Variants in DPF3 observed in about 807,000 individuals in gnomAD.
DPF3 encodes zinc finger protein DPF3.
In DPF3, 18 loss-of-function variants were observed where a neutral mutation model predicts 56.8. That is an observed-to-expected ratio of 0.32 (90% CI 0.22 to 0.47). The LOEUF (loss-of-function observed/expected upper bound fraction) is 0.47, where lower values mean the gene tolerates loss of function less well. Ranked by LOEUF, DPF3 falls within the 20% of genes least tolerant of loss-of-function variation. The pLI is 1.00. For missense variants in DPF3, 403 were observed against 488.8 expected (o/e 0.82, Z 1.65); for synonymous variants, 188 against 180.2 (o/e 1.04, Z -0.35).
At position 72,866,231 on chromosome 14, in the gene DPF3, TGAG is replaced by T. The variant is rs532979109; in HGVS notation, c.32+27823_32+27825del. On this transcript the variant is annotated intron_variant, in intron 1 of 10. Coordinates refer to ENST00000556509, the MANE Select transcript of DPF3 (RefSeq NM_001280542.3). ...TCCCACCACCACCTCTTCCACAGACTGAGGTCACCTCAGTCTGTTCCTGCCACA... is the reference window on the plus strand; with the variant it reads ...TCCCACCACCACCTCTTCCACAGACTGTCACCTCAGTCTGTTCCTGCCACA... Among the ~76,000 whole-genome samples the T allele has an allele frequency of 3.7e-3, 554 of 151,436 alleles. 8 individuals carry two copies. The highest frequency in any genetic ancestry group is 2.3e-3 in the Non-Finnish European group (153 of 67,500).
In DPF3 at chr14:72,731,870, G is replaced by A. The variant is rs1450860049; in HGVS notation, c.366C>T (p.Leu122=). Residue 122 remains leucine (L), a synonymous_variant, in exon 4 of 11, where the codon CTC becomes CTT. Transcript: ENST00000556509. ...TSESTTLEAL[L]RGEGVEKKVD... ...CCTTCTTCTCAACCCCCTCGCCACG[G>A]AGCAAGGCTTCCAGCGTGGTGCTCT... 3 of 1,611,524 alleles carry A rather than the reference G, an allele frequency of 1.9e-6. No homozygotes were observed. Among genetic ancestry groups the A allele is most frequent in the South Asian group, 1.1e-5 (1 of 90,164 alleles).
In DPF3 at chr14:72,856,317, C is replaced by A. The variant is rs142827418; in HGVS notation, c.32+37740G>T. Among the ~76,000 whole-genome samples, 116 of 152,324 alleles carry A rather than the reference C, an allele frequency of 7.6e-4. 1 individual carries two copies. Among genetic ancestry groups the A allele is most frequent in the South Asian group, 6.0e-3 (29 of 4,830 alleles). ...CCTCTAAAACAGGAGAACATCTTTC[C>A]TTCCTTTCTGATCATCCATCTTGCA... On this transcript the variant is annotated intron_variant, in intron 1 of 10. Transcript: ENST00000556509.
At chr14:72,707,989 A>G (rs745312268) in intron 6 of DPF3, among the ~76,000 whole-genome samples, 7 of 152,162 alleles carry the variant, frequency 4.6e-5, no homozygotes, top group Non-Finnish European at 1.0e-4. Context: ...GCACCTCTAC[A>G]ATGGTTAATA....
At chr14:72,670,314 A>G (rs1886612509) in intron 8 of DPF3, 1 of 986,196 alleles carries the variant, frequency 1.0e-6, no homozygotes, top group South Asian at 4.7e-5. Flanking sequence ...CTTTGCCAGG[A>G]GGAAAGTGAG....
intron 8 of DPF3, among the ~76,000 whole-genome samples, chr14:72,671,751 C>T (rs929981867): frequency 6.6e-6 from 1 of 152,190 alleles, no homozygotes; most frequent in Non-Finnish European, 1.5e-5. Flanking sequence ...CAATGTTTGT[C>T]CTTCACTTTG....
intron 7 of DPF3, 104 bp downstream of exon 7, chr14:72,692,972 G>A: frequency 2.6e-6 from 4 of 1,547,634 alleles, no homozygotes; most frequent in Non-Finnish European, 3.5e-6. Context: ...CCACTCAACG[G>A]TTGCTACCAG....
At chr14:72,801,064 T>C (rs1386689095) in intron 1 of DPF3, among the ~76,000 whole-genome samples, 2 of 152,202 alleles carry the variant, frequency 1.3e-5, no homozygotes, top group Non-Finnish European at 2.9e-5. Context: ...AACACCACCT[T>C]ACCAATAGTG....
chr14:72,624,310 C>A (rs1016893999), intron 9 of DPF3, among the ~76,000 whole-genome samples: 2 of 146,928 alleles, frequency 1.4e-5, no homozygotes, highest in Admixed American at 6.8e-5. Flanking sequence ...ATTTTAATTT[C>A]TCCAGTTTTC....
chr14:72,679,713 T>C (rs1037473218), intron 7 of DPF3, among the ~76,000 whole-genome samples: 2 of 152,144 alleles, frequency 1.3e-5, no homozygotes, highest in African/African-American at 2.4e-5. Flanking sequence ...CCACCTGTTA[T>C]GACTTCATCT....
At chr14:72,881,324 TTGTTGTTGTTGC>T (rs1886314232) in intron 1 of DPF3, among the ~76,000 whole-genome samples, 1 of 119,936 alleles carries the variant, frequency 8.3e-6, no homozygotes, top group Admixed American at 8.1e-5. Context: ...GTTGTTGTTG[TTGTTGTTGTTGC>T]TGTTGTTGTT....
At chr14:72,774,251 G>A (rs1028603825) in intron 1 of DPF3, among the ~76,000 whole-genome samples, 2 of 129,538 alleles carry the variant, frequency 1.5e-5, no homozygotes, top group African/African-American at 5.8e-5. Flanking sequence ...GCGACAGGGT[G>A]AGACTCTGTC....
chr14:72,863,146 A>ATATG lies in DPF3; in HGVS notation c.32+30910_32+30911insCATA, dbSNP rs745495462. On this transcript the variant is annotated intron_variant, in intron 1 of 10. Transcript: ENST00000556509. ...TGTGTGTGTGTGTGTGTATATATAT[A>ATATG]TGTGTGTGTGTGTGTGTGTGTGTGT... Among the ~76,000 whole-genome samples, 513 of 140,676 alleles carry ATATG rather than the reference A, an allele frequency of 3.6e-3. 9 individuals carry two copies. Among genetic ancestry groups the ATATG allele is most frequent in the African/African-American group, 0.013 (488 of 37,584 alleles). 92.3% of individuals were successfully genotyped at this position (140,676 alleles called of 152,430 possible).
chr14:72,793,609 G>A (rs1453034476), intron 1 of DPF3, among the ~76,000 whole-genome samples: 2 of 152,054 alleles, frequency 1.3e-5, no homozygotes, highest in African/African-American at 4.8e-5. Context: ...TTAACAAGCC[G>A]GCATCCAACA....
chr14:72,610,819 G>C lies in DPF3; in HGVS notation c.*8478C>G, dbSNP rs980945547. On this transcript the variant is annotated 3_prime_UTR_variant, in exon 11 of 11. Transcript: ENST00000556509. ...GAGGGCTCAGGGCCCACCACTGGCT[G>C]CCTGGGGGAAGTGCTGCCAGTCTGG... 6.6e-6 allele frequency among the ~76,000 whole-genome samples: 1 copy of C among 152,218 alleles called. No homozygotes were observed. The highest frequency in any genetic ancestry group is 1.5e-5 in the Non-Finnish European group (1 of 68,042).
chr14:72,722,920 C>T (rs766301552), intron 5 of DPF3, among the ~76,000 whole-genome samples: 1 of 152,068 alleles, frequency 6.6e-6, no homozygotes, highest in Non-Finnish European at 1.5e-5. Context: ...ATCCGAGGAC[C>T]CCTGGGATGG....
At chr14:72,707,811 ATTT>A (rs35089717) in intron 6 of DPF3, among the ~76,000 whole-genome samples, 2 of 146,582 alleles carry the variant, frequency 1.4e-5, no homozygotes, top group Admixed American at 6.8e-5. Flanking sequence ...TTTTTCCTCT[ATTT>A]TTTTTTTTTT....
intron 1 of DPF3, among the ~76,000 whole-genome samples, chr14:72,793,334 A>T (rs1489287076): frequency 1.3e-5 from 2 of 152,200 alleles, no homozygotes; most frequent in Admixed American, 6.5e-5. Flanking sequence ...GGGAGGGGAG[A>T]GACAGCTGAG....
intron 1 of DPF3, among the ~76,000 whole-genome samples, chr14:72,814,959 C>A (rs911202647): frequency 1.2e-4 from 18 of 152,038 alleles, no homozygotes; most frequent in Admixed American, 1.1e-3. Flanking sequence ...ATGCATGAGT[C>A]GTAAAGGAAA....
At chr14:72,663,034 C>T (rs1403582932) in intron 8 of DPF3, among the ~76,000 whole-genome samples, 1 of 151,468 alleles carries the variant, frequency 6.6e-6, no homozygotes, top group Non-Finnish European at 1.5e-5. Context: ...GTAGTGTGTC[C>T]AGCGCCTTGA....
Sources: gnomAD v4.1 joint callset for allele counts (sites outside exome capture counted in the v4.1 genomes callset) on GRCh38, gnomAD v4.1.1 for gene constraint, MANE v1.5 for transcripts, NCBI Gene and HGNC (gene_info 2026-07-23, HGNC 2026-07-21) for gene names.